Variants in ZC3H12B observed in about 807,000 individuals in gnomAD.
The protein encoded by ZC3H12B is zinc finger CCCH-type containing 12B.
A neutral mutation model predicts 43.9 loss-of-function variants in ZC3H12B; 7 were observed. The observed-to-expected ratio is 0.16, with a 90% confidence interval of 0.09 to 0.30. ZC3H12B has a LOEUF of 0.30. Ranked by LOEUF, ZC3H12B falls within the 10% of genes least tolerant of loss-of-function variation. The pLI is 1.00. For synonymous variants in ZC3H12B, 222 were observed against 241.7 expected, an observed-to-expected ratio of 0.92 and a Z score of 0.76; for missense variants, 475 against 670.2, an observed-to-expected ratio of 0.71 and a Z score of 3.22.
At chrX:65,496,815 G>C (rs2068289764) in intron 1 of ZC3H12B, among the ~76,000 whole-genome samples, 1 of 109,427 alleles carries the variant, frequency 9.1e-6, no homozygotes, top group African/African-American at 3.3e-5. Context: ...AATTAGCTGG[G>C]CATGGTGGTG....
chrX:65,471,036 C>T (rs2067905042), intron 3 of ZC3H12B, among the ~76,000 whole-genome samples: 1 of 111,547 alleles, frequency 9.0e-6, no homozygotes, highest in East Asian at 2.8e-4. Flanking sequence ...TTAAATATCT[C>T]TTAGGTCCAT....
the ZC3H12B span, among the ~76,000 whole-genome samples, chrX:65,346,299 A>T: frequency 2.7e-5 from 3 of 110,553 alleles, no homozygotes; most frequent in Non-Finnish European, 5.7e-5. Context: ...ATGGAACAGA[A>T]TACATAAACC....
chrX:65,457,256 G>A (rs1301280824), intron 3 of ZC3H12B, among the ~76,000 whole-genome samples: 4 of 12,558 alleles, frequency 3.2e-4, no homozygotes, highest in African/African-American at 1.1e-3. Flanking sequence ...CAGCCACCCC[G>A]TCTGGGAAGT....
intron 2 of ZC3H12B, among the ~76,000 whole-genome samples, chrX:65,370,612 A>G (rs1465992474): frequency 8.9e-6 from 1 of 112,063 alleles, no homozygotes; most frequent in African/African-American, 3.2e-5. Context: ...GGAAAAAATA[A>G]CATGACCTTC....
At chrX:65,311,346 A>T in the ZC3H12B span, among the ~76,000 whole-genome samples, 1 of 112,422 alleles carries the variant, frequency 8.9e-6, no homozygotes, top group Middle Eastern at 4.6e-3. Context: ...ATGAACAGAC[A>T]CTTTTCAAAA....
chrX:65,120,860 G>C, the ZC3H12B span, among the ~76,000 whole-genome samples: 1 of 111,616 alleles, frequency 9.0e-6, no homozygotes, highest in Non-Finnish European at 1.9e-5. Context: ...TTAGCATGAA[G>C]AGTTGTTGAA....
chrX:65,238,360 T>A, the ZC3H12B span, among the ~76,000 whole-genome samples: 2 of 112,144 alleles, frequency 1.8e-5, no homozygotes, highest in Non-Finnish European at 3.8e-5. Flanking sequence ...CCATTTATTC[T>A]ACATTTTCTA....
At chrX:65,089,970 G>T in the ZC3H12B span, among the ~76,000 whole-genome samples, 278 of 111,581 alleles carry the variant, frequency 2.5e-3, no homozygotes, top group Middle Eastern at 4.6e-3. Context: ...CCTTCTGAAA[G>T]ACCTCCCTGA....
At chrX:65,359,753 C>A in the ZC3H12B span, among the ~76,000 whole-genome samples, 1 of 112,269 alleles carries the variant, frequency 8.9e-6, no homozygotes, top group Non-Finnish European at 1.9e-5. Flanking sequence ...GAAATTACAA[C>A]AAACGATTTA....
chrX:65,308,091 C>A, the ZC3H12B span, among the ~76,000 whole-genome samples: 10 of 111,351 alleles, frequency 9.0e-5, no homozygotes, highest in Admixed American at 3.8e-4. Flanking sequence ...CATGTTTTTA[C>A]ATCAGTACAT....
At chrX:65,453,536 C>A (rs1030708866) in intron 3 of ZC3H12B, among the ~76,000 whole-genome samples, 1 of 105,595 alleles carries the variant, frequency 9.5e-6, no homozygotes, top group African/African-American at 3.4e-5. Flanking sequence ...GCCTAGTCAA[C>A]ATGGTGAAAC....
At chrX:65,311,806 A>G in the ZC3H12B span, among the ~76,000 whole-genome samples, 5 of 111,796 alleles carry the variant, frequency 4.5e-5, no homozygotes, top group Non-Finnish European at 7.5e-5. Context: ...ATGGAATACT[A>G]TGCAGCCATA....
chrX:65,489,784 GTTA>G (rs1257383804), intron 1 of ZC3H12B, among the ~76,000 whole-genome samples: 1 of 111,828 alleles, frequency 8.9e-6, no homozygotes, highest in South Asian at 3.8e-4. Flanking sequence ...ACTCTCAACT[GTTA>G]TTATACCAAA....
the ZC3H12B span, among the ~76,000 whole-genome samples, chrX:65,191,557 T>C: frequency 9.7e-6 from 1 of 103,141 alleles, no homozygotes; most frequent in African/African-American, 4.3e-5. Flanking sequence ...AATTTATCCA[T>C]TTCTTCTAGA....
chrX:65,348,248 TA>T, the ZC3H12B span, among the ~76,000 whole-genome samples: 4 of 111,650 alleles, frequency 3.6e-5, no homozygotes, highest in Non-Finnish European at 7.5e-5. Flanking sequence ...TAATCAAAAA[TA>T]AAATTTCTAG....
the ZC3H12B span, among the ~76,000 whole-genome samples, chrX:65,071,289 G>GT: frequency 0.026 from 2,115 of 80,540 alleles, 26 homozygotes; most frequent in East Asian, 0.054. Flanking sequence ...CTTTTTTTCA[G>GT]TTTTTTTTTT....
the ZC3H12B span, among the ~76,000 whole-genome samples, chrX:65,315,573 A>C: frequency 9.0e-6 from 1 of 111,342 alleles, no homozygotes; most frequent in Non-Finnish European, 1.9e-5. Flanking sequence ...CCGTAAAATC[A>C]TCCAGAAATG....
chrX:65,076,033 C>G, the ZC3H12B span, among the ~76,000 whole-genome samples: 1 of 111,862 alleles, frequency 8.9e-6, no homozygotes, highest in African/African-American at 3.3e-5. Flanking sequence ...TGTATTTTTG[C>G]TTGTTGACTT....
At chrX:65,506,301 G>T (rs1421812498) in exon 5 of ZC3H12B, 2 of 112,496 alleles carry the variant, frequency 1.8e-5, no homozygotes, top group Non-Finnish European at 3.8e-5. Context: ...TCATCTGCAA[G>T]AATCTACAAA....
Sources: allele counts gnomAD v4.1 joint callset (sites outside exome capture counted in the v4.1 genomes callset), GRCh38; gene constraint gnomAD v4.1.1; transcripts MANE v1.5; gene names NCBI Gene and HGNC (gene_info 2026-07-23, HGNC 2026-07-21).